DIP2C: variants seen among roughly 807,000 people sequenced by gnomAD.
DIP2C encodes the protein DIP2 acetate--CoA ligase C (putative).
DIP2C carries 33 observed loss-of-function variants against 192.4 expected under a neutral mutation model. The observed-to-expected ratio is 0.17, with a 90% CI of 0.13 to 0.23. The LOEUF (loss-of-function observed/expected upper bound fraction) is 0.23. DIP2C is among the 10% of genes least tolerant of loss of function. The pLI, the probability that DIP2C is intolerant of heterozygous loss-of-function variation, is 1.00. For synonymous variants in DIP2C, 979 were observed against 864.1 expected, an observed-to-expected ratio of 1.13 and a Z score of -2.33; for missense variants, 1,537 against 2,110.1, an observed-to-expected ratio of 0.73 and a Z score of 5.32.
At chr10:387,359 TCA>T (rs1339773214) in intron 14 of DIP2C, among the ~76,000 whole-genome samples, 2 of 152,186 alleles carry the variant, frequency 1.3e-5, no homozygotes, top group Admixed American at 6.5e-5. Flanking sequence ...ATTTTCTGCT[TCA>T]CAGTGTGGCA....
intron 2 of DIP2C, among the ~76,000 whole-genome samples, chr10:481,234 C>T (rs61839509): frequency 0.14 from 21,637 of 152,268 alleles, 3,854 homozygotes; most frequent in African/African-American, 0.42. Context: ...CAGCCAGCCA[C>T]GTCTTCTAAA....
intron 1 of DIP2C, among the ~76,000 whole-genome samples, 187 bp from the exon 2 acceptor site, chr10:486,717 T>C (rs747698134): frequency 1.3e-5 from 2 of 152,194 alleles, no homozygotes; most frequent in Non-Finnish European, 2.9e-5. Flanking sequence ...GCCCACAGCA[T>C]GTAAGTCACT....
intron 17 of DIP2C, among the ~76,000 whole-genome samples, chr10:372,075 T>A (rs77914507): frequency 1.1e-5 from 1 of 87,886 alleles, no homozygotes; most frequent in African/African-American, 5.6e-5. Flanking sequence ...CCCCCTTTCC[T>A]TTTTTTTTTT....
chr10:625,410 T>G (rs1854134073), intron 1 of DIP2C, among the ~76,000 whole-genome samples: 1 of 152,212 alleles, frequency 6.6e-6, no homozygotes, highest in Non-Finnish European at 1.5e-5. Flanking sequence ...TCGGAGGCTT[T>G]CTGGGCTAGC....
At chr10:626,103 G>A (rs529066063) in intron 1 of DIP2C, among the ~76,000 whole-genome samples, 13 of 152,188 alleles carry the variant, frequency 8.5e-5, no homozygotes, top group African/African-American at 1.4e-4. Flanking sequence ...GATCCACTTC[G>A]TCCATGGACC....
chr10:462,849 AG>A (rs1292085731), intron 3 of DIP2C, among the ~76,000 whole-genome samples: 1 of 152,226 alleles, frequency 6.6e-6, no homozygotes, highest in Admixed American at 6.5e-5. Flanking sequence ...CTGGGATGCA[AG>A]GCTGGTTCAA....
chr10:440,804 C>G, intron 4 of DIP2C, 67 bp downstream of exon 4: 1 of 1,524,104 alleles, frequency 6.6e-7, no homozygotes, highest in Non-Finnish European at 8.8e-7. Context: ...CCCCTGATTG[C>G]TGGGCTAGGT....
intron 3 of DIP2C, among the ~76,000 whole-genome samples, chr10:456,403 G>T (rs1263602523): frequency 1.4e-5 from 2 of 146,170 alleles, no homozygotes; most frequent in Admixed American, 6.7e-5. Flanking sequence ...CCTGCCTGAG[G>T]GGAGGCTGTG....
rs368236289 is a variant in DIP2C, at chr10:634,762, A to AAAAAAG, written c.85+54726_85+54731dup. ...ACGAGACTCCATCTCAAAAATAAAAAAAAAAGAAAAAGAAAAAGAAAAAGA... is the reference window on the plus strand; with the variant it reads ...ACGAGACTCCATCTCAAAAATAAAAAAAAAAGAAAAAGAAAAAGAAAAAGAAAAAGA... On this transcript the variant is annotated intron_variant, in intron 1 of 36. Transcript: ENST00000280886. Among the ~76,000 whole-genome samples, 254 of 152,236 alleles carry AAAAAAG rather than the reference A, an allele frequency of 1.7e-3. 1 individual carries two copies. Among genetic ancestry groups the AAAAAAG allele is most frequent in the Middle Eastern group, 3.4e-3 (1 of 294 alleles).
intron 28 of DIP2C, among the ~76,000 whole-genome samples, chr10:344,565 T>G (rs1378213537): frequency 1.3e-5 from 2 of 152,218 alleles, no homozygotes; most frequent in Non-Finnish European, 2.9e-5. Flanking sequence ...TTCGCAGTGT[T>G]CTACTGTCAG....
At chr10:362,240 A>T (rs1292182444) in intron 22 of DIP2C, among the ~76,000 whole-genome samples, 1 of 152,214 alleles carries the variant, frequency 6.6e-6, no homozygotes, top group East Asian at 1.9e-4. Context: ...GGGAGAACAG[A>T]GCCAGTAAGT....
intron 1 of DIP2C, among the ~76,000 whole-genome samples, chr10:502,316 T>C (rs957634735): frequency 4.6e-5 from 7 of 152,162 alleles, no homozygotes; most frequent in Admixed American, 2.0e-4. Flanking sequence ...GAGATTTGGG[T>C]GAACTAAATA....
intron 1 of DIP2C, among the ~76,000 whole-genome samples, chr10:522,061 A>C (rs61831010): frequency 0.014 from 2,173 of 151,180 alleles, 28 homozygotes; most frequent in Middle Eastern, 0.041. Flanking sequence ...TCCCCACCCT[A>C]AACAGCCCCT....
chr10:575,811 C>A (rs978418140), intron 1 of DIP2C, among the ~76,000 whole-genome samples: 1 of 152,182 alleles, frequency 6.6e-6, no homozygotes, highest in Non-Finnish European at 1.5e-5. Flanking sequence ...AACTAGGAAG[C>A]GCAAGGAGCC....
chr10:529,112 C>A (rs1238262585), intron 1 of DIP2C, among the ~76,000 whole-genome samples: 1 of 152,180 alleles, frequency 6.6e-6, no homozygotes, highest in East Asian at 1.9e-4. Context: ...TGGGGCAGAT[C>A]CGTTCAATCC....
intron 16 of DIP2C, 60 bp downstream of exon 16, chr10:383,967 A>T (rs200916438): frequency 8.7e-6 from 10 of 1,145,366 alleles, no homozygotes; most frequent in Non-Finnish European, 1.1e-5. Flanking sequence ...CCTCACGAAA[A>T]AAAAAAAAAA....
intron 1 of DIP2C, among the ~76,000 whole-genome samples, chr10:590,339 T>TA (rs886670358): frequency 7.2e-5 from 11 of 152,110 alleles, no homozygotes; most frequent in South Asian, 2.1e-4. Flanking sequence ...ATACAGCTTC[T>TA]AAAAAAACCA....
At chr10:394,397 G>A (rs923864564) in intron 10 of DIP2C, among the ~76,000 whole-genome samples, 38 of 146,066 alleles carry the variant, frequency 2.6e-4, no homozygotes, top group African/African-American at 8.8e-4. Flanking sequence ...GAACCCTGCC[G>A]TGTGCTGAAC....
intron 1 of DIP2C, among the ~76,000 whole-genome samples, chr10:580,748 G>C (rs1022710572): frequency 1.1e-4 from 16 of 152,002 alleles, no homozygotes; most frequent in African/African-American, 3.9e-4. Flanking sequence ...TTTCCAAACT[G>C]TAATAGAAGT....
Sources: allele counts gnomAD v4.1 joint callset (sites outside exome capture counted in the v4.1 genomes callset), GRCh38; gene constraint gnomAD v4.1.1; transcripts MANE v1.5; gene names NCBI Gene and HGNC (gene_info 2026-07-23, HGNC 2026-07-21).